The following ALG13 variants were observed in gnomAD, a reference collection of about 807,000 sequenced individuals.
The protein encoded by ALG13 is UDP-N-acetylglucosamine transferase subunit ALG13.
ALG13 carries 11 observed loss-of-function variants against 87.8 expected under a neutral mutation model. That is an observed-to-expected ratio of 0.13 (90% CI 0.08 to 0.21). The LOEUF is 0.21. Ranked by LOEUF, ALG13 falls within the 10% of genes least tolerant of loss-of-function variation. The pLI, the probability that ALG13 is intolerant of heterozygous loss-of-function variation, is 1.00. For synonymous variants in ALG13, 320 were observed against 306.3 expected (o/e 1.04, Z -0.47); for missense variants, 756 against 866.1 (o/e 0.87, Z 1.60).
At position 111,760,315 on chromosome X, in the gene ALG13, A is replaced by C. The variant is rs1381388873; in HGVS notation, c.*316A>C. 1 of 206,609 alleles carries C rather than the reference A, an allele frequency of 4.8e-6. No homozygotes were observed. Among genetic ancestry groups the C allele is most frequent in the African/African-American group, 2.9e-5 (1 of 34,020 alleles). The allele number at this position is 206,609 out of a possible 1,213,427, so 17.0% of individuals were successfully genotyped here. On this transcript the variant is annotated 3_prime_UTR_variant, in exon 27 of 27. Transcript: ENST00000394780. Reference sequence around the variant, plus strand: ...GGTACCAATTGATAAAATGAATATAAAGTATTTCATTGGTTCAAAAATCAC... The same window carrying C: ...GGTACCAATTGATAAAATGAATATACAGTATTTCATTGGTTCAAAAATCAC...
chrX:111,713,438 C>G, intron 8 of ALG13, 141 bp downstream of exon 8: 1 of 460,159 alleles, frequency 2.2e-6, no homozygotes. Context: ...GCATTTTCCT[C>G]TCTAGTCAGT....
chrX:111,759,543 T>A (rs1286407308), intron 26 of ALG13, among the ~76,000 whole-genome samples, 191 bp from the exon 27 acceptor site: 1 of 111,763 alleles, frequency 8.9e-6, no homozygotes, highest in African/African-American at 3.3e-5. Context: ...TATTTCACAG[T>A]TTTTTAATTT....
intron 16 of ALG13, 102 bp downstream of exon 16, chrX:111,727,157 C>A: frequency 1.0e-6 from 1 of 1,002,139 alleles, no homozygotes; most frequent in Non-Finnish European, 1.4e-6. Context: ...GTCTCTGTGA[C>A]ATACAGACTG....
chrX:111,691,426 T>A (rs763349287), intron 3 of ALG13, among the ~76,000 whole-genome samples: 68 of 110,997 alleles, frequency 6.1e-4, no homozygotes, highest in African/African-American at 2.2e-3. Flanking sequence ...TATTGGGGAG[T>A]GGGGAGTGAA....
At chrX:111,700,453 A>G (rs1409053365) in intron 3 of ALG13, among the ~76,000 whole-genome samples, 1 of 111,261 alleles carries the variant, frequency 9.0e-6, no homozygotes, top group Non-Finnish European at 1.9e-5. Flanking sequence ...CTGATCTCAG[A>G]GGAAAAGCTT....
At chrX:111,756,424 AT>A (rs1451519687) in intron 25 of ALG13, among the ~76,000 whole-genome samples, 1 of 111,708 alleles carries the variant, frequency 9.0e-6, no homozygotes, top group Non-Finnish European at 1.9e-5. Context: ...AAAAATAAAA[AT>A]AGCTGCATTT....
intron 3 of ALG13, among the ~76,000 whole-genome samples, chrX:111,707,240 A>T (rs1376323105): frequency 8.9e-6 from 1 of 112,160 alleles, no homozygotes; most frequent in Non-Finnish European, 1.9e-5. Flanking sequence ...ACTCTACCAT[A>T]CCATTTCAAA....
At chrX:111,753,136 T>C (rs1004485911) in intron 25 of ALG13, 6 of 175,742 alleles carry the variant, frequency 3.4e-5, no homozygotes, top group Non-Finnish European at 6.3e-5. Flanking sequence ...TGTGGTGTTC[T>C]GTCTCAAAAT....
intron 25 of ALG13, chrX:111,753,075 A>T (rs1944902121): frequency 3.9e-6 from 1 of 253,194 alleles, no homozygotes; most frequent in East Asian, 6.2e-5. Flanking sequence ...CAGCACAATC[A>T]GCATATATTA....
At chrX:111,729,354 A>G (rs909677592) in intron 19 of ALG13, among the ~76,000 whole-genome samples, 2 of 111,477 alleles carry the variant, frequency 1.8e-5, no homozygotes, top group African/African-American at 6.5e-5. Context: ...TTGACTTATG[A>G]ATAAGTTCCT....
chrX:111,734,390 C>T (rs1943029076), intron 21 of ALG13: 1 of 112,337 alleles, frequency 8.9e-6, no homozygotes, highest in South Asian at 3.7e-4. Flanking sequence ...TACTTGAACA[C>T]AGACTTTGGA....
At position 111,720,212 on chromosome X, in the gene ALG13, T is replaced by A. The variant is rs1045584506; in HGVS notation, c.1326+42T>A. 4 of 975,311 alleles carry A rather than the reference T, an allele frequency of 4.1e-6. No individual in the cohort carries two copies. In the African/African-American group the frequency reaches 7.8e-5, roughly 19 times the overall value. 80.4% of individuals were successfully genotyped at this position (975,311 alleles called of 1,213,427 possible). Reference sequence around the variant, plus strand: ...GGCAAAGAATTTTCATAGTCTTGGCTTGCAGCATCATGACTTAAACTAGTT... The same window carrying A: ...GGCAAAGAATTTTCATAGTCTTGGCATGCAGCATCATGACTTAAACTAGTT... On this transcript the variant is annotated intron_variant, in intron 11 of 26. Coordinates refer to ENST00000394780, the MANE Select transcript of ALG13 (RefSeq NM_001099922.3).
intron 5 of ALG13, 111 bp from the exon 6 acceptor site, chrX:111,711,564 C>A: frequency 1.1e-5 from 7 of 646,970 alleles, no homozygotes; most frequent in Non-Finnish European, 1.4e-5. Flanking sequence ...TAGATACTTA[C>A]ACCATAATTG....
At chrX:111,708,450 G>C in intron 4 of ALG13, 57 bp downstream of exon 4, 5 of 1,136,542 alleles carry the variant, frequency 4.4e-6, no homozygotes, top group Non-Finnish European at 5.8e-6. Flanking sequence ...GACATGGGAT[G>C]GTCCTGTAGT....
chrX:111,732,835 C>G (rs1942845554), intron 21 of ALG13, among the ~76,000 whole-genome samples: 1 of 111,512 alleles, frequency 9.0e-6, no homozygotes, highest in South Asian at 3.7e-4. Flanking sequence ...TTTTTTCCCC[C>G]ATTTCCTGCC....
chrX:111,714,575 A>T (rs1238122484), intron 8 of ALG13, among the ~76,000 whole-genome samples: 1 of 110,946 alleles, frequency 9.0e-6, no homozygotes, highest in Non-Finnish European at 1.9e-5. Flanking sequence ...GCCATGCCAA[A>T]TAATTTGTCT....
chrX:111,712,398 A>G, intron 6 of ALG13, 86 bp from the exon 7 acceptor site: 1 of 536,141 alleles, frequency 1.9e-6, no homozygotes, highest in East Asian at 3.4e-5. Context: ...AAACAGTGCT[A>G]AGCAGCTAAA....
At chrX:111,687,745 A>G in intron 3 of ALG13, 1 of 450,120 alleles carries the variant, frequency 2.2e-6, no homozygotes, top group East Asian at 4.5e-5. Flanking sequence ...ATGTATACTT[A>G]TTAAAATATA....
At position 111,722,824 on chromosome X, in the gene ALG13, T is replaced by C. The variant is rs1460776860; in HGVS notation, c.1467T>C (p.Ala489=). The C allele has an allele frequency of 8.3e-7, 1 of 1,202,581 alleles. No homozygotes were observed. The highest frequency in any genetic ancestry group is 1.8e-5 in the South Asian group (1 of 55,272). Residue 489 remains alanine, a synonymous_variant, in exon 13 of 27, where the codon GCT becomes GCC. Transcript: ENST00000394780. ...ELQKSDYMEY[A]GRQYYLGDKC... ...AAAAATCTGATTACATGGAGTATGC[T>C]GGGAGACAGTACTATTTGGGAGACA...
Sources: gnomAD v4.1 joint callset for allele counts (sites outside exome capture counted in the v4.1 genomes callset) on GRCh38, gnomAD v4.1.1 for gene constraint, MANE v1.5 for transcripts, NCBI Gene and HGNC (gene_info 2026-07-23, HGNC 2026-07-21) for gene names.